FILIP1: variants seen among roughly 807,000 people sequenced by gnomAD.
FILIP1 encodes the protein filamin A interacting protein 1.
A neutral mutation model predicts 102.1 loss-of-function variants in FILIP1; 61 were observed. That is an observed-to-expected ratio of 0.60 (90% CI 0.49 to 0.74). The LOEUF (loss-of-function observed/expected upper bound fraction) is 0.74. Ranked by LOEUF, FILIP1 falls within the 30% of genes least tolerant of loss-of-function variation. The probability of loss-of-function intolerance (pLI) is 0.00; values close to 1 mark genes in which losing one functional copy is unlikely to be tolerated. For missense variants in FILIP1, 1,314 were observed against 1,441.2 expected (o/e 0.91, Z 1.43); for synonymous variants, 491 against 526.9 (o/e 0.93, Z 0.93).
chr6:75,416,752 T>A (rs1777284312), intron 1 of FILIP1, among the ~76,000 whole-genome samples: 1 of 152,142 alleles, frequency 6.6e-6, no homozygotes, highest in Admixed American at 6.6e-5. Context: ...CTCTATAAGA[T>A]CTTAAAGCTC....
At chr6:75,467,703 A>G (rs1203174519) in intron 1 of FILIP1, among the ~76,000 whole-genome samples, 2 of 152,240 alleles carry the variant, frequency 1.3e-5, no homozygotes, top group Non-Finnish European at 2.9e-5. Flanking sequence ...ATAGCTGGGA[A>G]ACAGTATCAA....
chr6:75,409,254 C>T (rs753412586), intron 2 of FILIP1, among the ~76,000 whole-genome samples: 76 of 152,230 alleles, frequency 5.0e-4, no homozygotes, highest in Middle Eastern at 6.8e-3. Flanking sequence ...CATTGCTGTG[C>T]GACTTTGGGC....
At chr6:75,306,381 G>C (rs61570087), downstream of FILIP1, among the ~76,000 whole-genome samples, 1 of 152,076 alleles carries the variant, frequency 6.6e-6, no homozygotes, top group African/African-American at 2.4e-5. Flanking sequence ...AGCAGCAAGC[G>C]GCAATAAGAT....
intron 1 of FILIP1, among the ~76,000 whole-genome samples, chr6:75,425,659 C>T (rs911587349): frequency 1.3e-5 from 2 of 152,104 alleles, no homozygotes; most frequent in East Asian, 1.9e-4. Flanking sequence ...TAACCCCACA[C>T]ATGTATTCTG....
At chr6:75,410,879 A>G (rs940366908) in intron 2 of FILIP1, among the ~76,000 whole-genome samples, 7 of 150,024 alleles carry the variant, frequency 4.7e-5, no homozygotes, top group Non-Finnish European at 1.0e-4. Context: ...TGCAATAAAC[A>G]TATGTGTGCA....
intron 2 of FILIP1, among the ~76,000 whole-genome samples, chr6:75,406,253 C>T (rs970720965): frequency 1.3e-5 from 2 of 152,088 alleles, no homozygotes; most frequent in East Asian, 1.9e-4. Flanking sequence ...ATGGAGGTGT[C>T]GTTTTACCTC....
downstream of FILIP1, among the ~76,000 whole-genome samples, chr6:75,306,438 C>T (rs1223282593): frequency 1.3e-5 from 2 of 152,114 alleles, no homozygotes; most frequent in Non-Finnish European, 2.9e-5. Context: ...AAAAGGAATG[C>T]GGTGTTTGGT....
rs554054609 is a variant in FILIP1, at chr6:75,293,152, T to G, written c.*2758A>C. On this transcript the variant is annotated 3_prime_UTR_variant, in exon 7 of 7. Coordinates refer to the FILIP1 transcript ENST00000393004. ...AAAAAGAAAAGGGTAAAATTATGGATTAGTTCAATTGTACCTTGAACTAGA... is the reference window on the plus strand; with the variant it reads ...AAAAAGAAAAGGGTAAAATTATGGAGTAGTTCAATTGTACCTTGAACTAGA... 1.2e-4 allele frequency: 19 copies of G among 152,348 alleles called. No homozygotes were observed. In the East Asian group the frequency reaches 3.3e-3, roughly 26 times the overall value. 9.4% of individuals were successfully genotyped at this position (152,348 alleles called of 1,614,324 possible).
chr6:75,402,490 T>G (rs544890233), intron 2 of FILIP1, among the ~76,000 whole-genome samples: 2 of 152,110 alleles, frequency 1.3e-5, no homozygotes, highest in Non-Finnish European at 2.9e-5. Context: ...GCATATTAAG[T>G]GCAGGTGAGT....
At chr6:75,303,392 C>T (rs1288367589), downstream of FILIP1, among the ~76,000 whole-genome samples, 1 of 152,102 alleles carries the variant, frequency 6.6e-6, no homozygotes, top group Non-Finnish European at 1.5e-5. Context: ...AACATCAATC[C>T]TTATTGTGTA....
At chr6:75,469,067 G>C (rs1449962591) in intron 1 of FILIP1, among the ~76,000 whole-genome samples, 2 of 151,844 alleles carry the variant, frequency 1.3e-5, no homozygotes, top group Non-Finnish European at 2.9e-5. Context: ...AGGAAGTTCT[G>C]AAAAATAATG....
chr6:75,370,047 C>G (rs1467796665), intron 2 of FILIP1, among the ~76,000 whole-genome samples: 1 of 152,206 alleles, frequency 6.6e-6, no homozygotes, highest in Non-Finnish European at 1.5e-5. Flanking sequence ...GAGGAAAGGA[C>G]AAATCCATTT....
intron 4 of FILIP1, among the ~76,000 whole-genome samples, chr6:75,336,609 C>T (rs1225341432): frequency 1.3e-5 from 2 of 151,996 alleles, no homozygotes; most frequent in Non-Finnish European, 2.9e-5. Context: ...AATTATAGTC[C>T]TGGGGAGGCA....
intron 1 of FILIP1, among the ~76,000 whole-genome samples, chr6:75,472,737 A>G (rs536583122): frequency 1.3e-5 from 2 of 152,300 alleles, no homozygotes; most frequent in South Asian, 4.1e-4. Context: ...TGACATGTAC[A>G]AACCAGTGGG....
chr6:75,429,718 ATTAACCTG>A (rs1777759068), intron 1 of FILIP1, among the ~76,000 whole-genome samples: 1 of 152,204 alleles, frequency 6.6e-6, no homozygotes, highest in Non-Finnish European at 1.5e-5. Context: ...CACCTCTTAA[ATTAACCTG>A]GCAGAAAGTG....
At chr6:75,321,797 TC>T (rs1773671474) in intron 4 of FILIP1, among the ~76,000 whole-genome samples, 1 of 142,910 alleles carries the variant, frequency 7.0e-6, no homozygotes, top group Non-Finnish European at 1.5e-5. Flanking sequence ...CGAGACTCCG[TC>T]TCAAAAAAAA....
At chr6:75,383,894 A>T (rs1278093492) in intron 2 of FILIP1, among the ~76,000 whole-genome samples, 1 of 152,190 alleles carries the variant, frequency 6.6e-6, no homozygotes, top group Admixed American at 6.6e-5. Context: ...CAGAGCTGGC[A>T]ATCTTAATAT....
chr6:75,434,051 T>G (rs913977563), intron 1 of FILIP1, among the ~76,000 whole-genome samples: 8 of 152,324 alleles, frequency 5.3e-5, no homozygotes, highest in Non-Finnish European at 8.8e-5. Flanking sequence ...GGTCTCTATC[T>G]CTGTTTTGGT....
intron 1 of FILIP1, among the ~76,000 whole-genome samples, chr6:75,439,914 A>C (rs1778151301): frequency 6.6e-6 from 1 of 152,236 alleles, no homozygotes; most frequent in Non-Finnish European, 1.5e-5. Context: ...CAGTCAACAA[A>C]TATTTCTTGA....
Sources: gnomAD v4.1 joint callset for allele counts (sites outside exome capture counted in the v4.1 genomes callset) on GRCh38, gnomAD v4.1.1 for gene constraint, MANE v1.5 for transcripts, NCBI Gene and HGNC (gene_info 2026-07-23, HGNC 2026-07-21) for gene names.